Variants in OR2H1 observed in about 807,000 individuals in gnomAD.
OR2H1 encodes the protein olfactory receptor family 2 subfamily H member 1.
For missense variants in OR2H1, 380 were observed against 367.3 expected, an observed-to-expected ratio of 1.03 and a Z score of -0.28; for synonymous variants, 155 against 155.2, an observed-to-expected ratio of 1.00 and a Z score of 0.01.
chr6:29,463,003 C>G lies in OR2H1; in HGVS notation c.*283C>G. On this transcript the variant is annotated 3_prime_UTR_variant, in exon 4 of 4. Coordinates refer to ENST00000377133, the MANE Select transcript of OR2H1 (RefSeq NM_030883.5). ...CATTCTGTTCTTTTTACTGTCATCACTTCTATAGATTTCCTAACTCCACCA... is the reference window on the plus strand; with the variant it reads ...CATTCTGTTCTTTTTACTGTCATCAGTTCTATAGATTTCCTAACTCCACCA... 2.2e-6 allele frequency: 1 copy of G among 460,432 alleles called. No homozygotes were observed. The highest frequency in any genetic ancestry group is 4.0e-6 in the Non-Finnish European group (1 of 252,454). 28.5% of individuals were successfully genotyped at this position (460,432 alleles called of 1,614,324 possible). A position where few individuals can be genotyped will look rare whatever the true frequency, so the allele number is the denominator to read the frequency against.
intron 3 of OR2H1, chr6:29,461,129 G>A (rs1787195099): frequency 6.6e-6 from 1 of 152,054 alleles, no homozygotes; most frequent in African/African-American, 2.4e-5. Flanking sequence ...TTTTTTAATG[G>A]AGAAGGAACA....
chr6:29,460,958 T>A (rs1010228945), intron 3 of OR2H1: 2 of 152,154 alleles, frequency 1.3e-5, no homozygotes, highest in African/African-American at 4.8e-5. Flanking sequence ...AGGCAAAAAA[T>A]TTTAAAAATT....
At position 29,462,075 on chromosome 6, in the gene OR2H1, C is replaced by T; in HGVS notation, c.306C>T (p.Phe102=). The change falls in exon 4 of 4, where the codon TTC becomes TTT. Residue 102 remains phenylalanine (F), a synonymous_variant. Transcript: ENST00000377133. ...GATGCTCTGTCCAGCTCTTCATCTT[C>T]CTGTCCCTGGGGACCACTGAGTGCA... ...FLGCSVQLFI[F]LSLGTTECIL... is the part of the protein sequence containing the mutation. 6.2e-7 allele frequency: 1 copy of T among 1,613,654 alleles called. No homozygotes were observed. Among genetic ancestry groups the T allele is most frequent in the South Asian group, 1.1e-5 (1 of 91,072 alleles).
rs760090748 is a variant in OR2H1 at position 29,462,051 on chromosome 6, A to C, written c.282A>C (p.Gly94=). 1.0e-4 allele frequency: 169 copies of C among 1,613,358 alleles called. No homozygotes were observed. The highest frequency in any genetic ancestry group is 1.3e-4 in the Non-Finnish European group (159 of 1,180,024). ...WGPKKTISFL[G]CSVQLFIFLS... is the part of the protein sequence containing the mutation. Reference sequence around the variant, plus strand: ...CAAAGAAGACCATCAGCTTCCTGGGATGCTCTGTCCAGCTCTTCATCTTCC... The same window carrying C: ...CAAAGAAGACCATCAGCTTCCTGGGCTGCTCTGTCCAGCTCTTCATCTTCC... The change falls in exon 4 of 4, where the codon GGA becomes GGC. Residue 94 remains glycine (G), a synonymous_variant. Transcript: ENST00000377133.
At chr6:29,457,790 T>G (rs1010742342) in intron 1 of OR2H1, among the ~76,000 whole-genome samples, 1 of 152,158 alleles carries the variant, frequency 6.6e-6, no homozygotes, top group Non-Finnish European at 1.5e-5. Flanking sequence ...ACTCAGAAGG[T>G]GTGGATCAGG....
At position 29,461,483 on chromosome 6, in the gene OR2H1, GC is replaced by G; in HGVS notation, c.-275-9del. 1 of 431,572 alleles carries G rather than the reference GC, an allele frequency of 2.3e-6. No homozygotes were observed. The highest frequency in any genetic ancestry group is 2.0e-5 in the African/African-American group (1 of 50,522). The allele number at this position is 431,572 out of a possible 1,614,324, so 26.7% of individuals were successfully genotyped here. On this transcript the variant is annotated splice_polypyrimidine_tract_variant and intron_variant, in intron 3 of 3. Transcript: ENST00000377133. ...TCCATGTTTTACATCAGCTTTCTTTGCCCTCAACCAGGAAGTCAGAGGCACC... is the reference window on the plus strand; with the variant it reads ...TCCATGTTTTACATCAGCTTTCTTTGCCTCAACCAGGAAGTCAGAGGCACC...
chr6:29,462,924 C>T lies in OR2H1; in HGVS notation c.*204C>T, dbSNP rs2151432829. 1.7e-6 allele frequency: 1 copy of T among 580,594 alleles called. No individual in the cohort carries two copies. Among genetic ancestry groups the T allele is most frequent in the Admixed American group, 3.1e-5 (1 of 32,174 alleles). 36.0% of individuals were successfully genotyped at this position (580,594 alleles called of 1,614,324 possible). ...GAGATAGGTAGCTCCATAAGGCACA[C>T]AAATTCAAATATTATCATTCCTATC... On this transcript the variant is annotated 3_prime_UTR_variant, in exon 4 of 4. Coordinates refer to ENST00000377133, the MANE Select transcript of OR2H1 (RefSeq NM_030883.5).
At position 29,462,255 on chromosome 6, in the gene OR2H1, C is replaced by G; in HGVS notation, c.486C>G (p.Leu162=). 6.2e-7 allele frequency: 1 copy of G among 1,613,434 alleles called. No homozygotes were observed. Among genetic ancestry groups the G allele is most frequent in the Non-Finnish European group, 8.5e-7 (1 of 1,180,040 alleles). ...CGATAGTCCAGACACCATCCACCCTCCACTTGCCCTTCTGTCCCCACCAGC... is the reference window on the plus strand; with the variant it reads ...CGATAGTCCAGACACCATCCACCCTGCACTTGCCCTTCTGTCCCCACCAGC... ...VQSIVQTPST[L]HLPFCPHQQI... is the part of the protein sequence containing the mutation. Residue 162 remains leucine (L), a synonymous_variant, in exon 4 of 4, where the codon CTC becomes CTG. Coordinates refer to ENST00000377133, the MANE Select transcript of OR2H1 (RefSeq NM_030883.5).
Position 29,462,037 on chromosome 6 carries a change from A to G in OR2H1, c.268A>G (p.Ile90Val). 6.2e-7 allele frequency: 1 copy of G among 1,613,414 alleles called. No homozygotes were observed. The highest frequency in any genetic ancestry group is 8.5e-7 in the Non-Finnish European group (1 of 1,180,020). ...CAACCTCTGGGGCCCAAAGAAGACCATCAGCTTCCTGGGATGCTCTGTCCA... is the reference window on the plus strand; with the variant it reads ...CAACCTCTGGGGCCCAAAGAAGACCGTCAGCTTCCTGGGATGCTCTGTCCA... ...LVNLWGPKKT[I>V]SFLGCSVQLF... Residue 90 changes from isoleucine (I) to valine (V), a missense_variant, in exon 4 of 4, where the codon ATC becomes GTC. Ile to Val is a conservative substitution (Grantham distance 29). Transcript: ENST00000377133.
At chr6:29,460,614 G>T (rs984913971) in intron 3 of OR2H1, among the ~76,000 whole-genome samples, 160 bp downstream of exon 3, 1 of 151,558 alleles carries the variant, frequency 6.6e-6, no homozygotes, top group Non-Finnish European at 1.5e-5. Flanking sequence ...AAGAAGTGAA[G>T]AGGCATTATA....
rs1786758726 is a variant in OR2H1, at chr6:29,458,464, G to T, written c.-432G>T. The T allele has an allele frequency of 6.6e-6, 1 of 152,148 alleles. No homozygotes were observed. Among genetic ancestry groups the T allele is most frequent in the Admixed American group, 6.5e-5 (1 of 15,274 alleles). The allele number at this position is 152,148 out of a possible 1,614,324, so 9.4% of individuals were successfully genotyped here. On this transcript the variant is annotated 5_prime_UTR_variant, in exon 2 of 4. Coordinates refer to ENST00000377133, the MANE Select transcript of OR2H1 (RefSeq NM_030883.5). ...AACATTCCTCTTTAGTTTGCTTTTA[G>T]TTCTCATTGTGAGATCACAAGTGGA...
Position 29,462,760 on chromosome 6 carries a change from G to A in OR2H1, c.*40G>A. The A allele has an allele frequency of 2.0e-6, 3 of 1,504,758 alleles. No homozygotes were observed. Among genetic ancestry groups the A allele is most frequent in the Non-Finnish European group, 2.7e-6 (3 of 1,099,418 alleles). The allele number at this position is 1,504,758 out of a possible 1,614,324, so 93.2% of individuals were successfully genotyped here. ...TAAGAAGAGTTTCTTCAAGATTTAT[G>A]AACATGTTAAGTTTTCCAGACTACT... On this transcript the variant is annotated 3_prime_UTR_variant, in exon 4 of 4. Coordinates refer to ENST00000377133, the MANE Select transcript of OR2H1 (RefSeq NM_030883.5).
In OR2H1 at chr6:29,462,433, G is replaced by T; in HGVS notation, c.664G>T (p.Ala222Ser). 6.2e-7 allele frequency: 1 copy of T among 1,613,102 alleles called. No homozygotes were observed. The highest frequency in any genetic ancestry group is 8.5e-7 in the Non-Finnish European group (1 of 1,180,028). ...ILASYGATAQ[A>S]VLRINSATAW... is the part of the protein sequence containing the mutation. ...TGCCTCTTATGGAGCCACTGCCCAG[G>T]CAGTGCTGAGGATTAACTCTGCCAC... Residue 222 changes from alanine (A) to serine (S), a missense_variant, in exon 4 of 4, where the codon GCA (alanine) becomes TCA (serine). Coordinates refer to ENST00000377133, the MANE Select transcript of OR2H1 (RefSeq NM_030883.5).
At position 29,461,784 on chromosome 6, in the gene OR2H1, C is replaced by A. The variant is rs1330587830; in HGVS notation, c.15C>A (p.Ser5Arg). The A allele has an allele frequency of 3.7e-6, 6 of 1,612,170 alleles. No individual in the cohort carries two copies. The highest frequency in any genetic ancestry group is 5.1e-6 in the Non-Finnish European group (6 of 1,179,574). The part of the protein sequence containing the change: MVNQ[S>R]SPMGFLLLGF... ...AAGAACAGGCCATGGTTAACCAAAG[C>A]TCCCCCATGGGCTTCCTCCTTCTGG... Residue 5 changes from serine to arginine, a missense_variant, in exon 4 of 4, where the codon AGC becomes AGA. Transcript: ENST00000377133.
In OR2H1 at chr6:29,462,267, C is replaced by T; in HGVS notation, c.498C>T (p.Phe166=). ...CACCATCCACCCTCCACTTGCCCTT[C>T]TGTCCCCACCAGCAGATAGATGACT... ...VQTPSTLHLP[F]CPHQQIDDFL... The change falls in exon 4 of 4, where the codon TTC becomes TTT. Residue 166 remains phenylalanine (F), a synonymous_variant. Transcript: ENST00000377133. 6.2e-7 allele frequency: 1 copy of T among 1,613,396 alleles called. No homozygotes were observed. Among genetic ancestry groups the T allele is most frequent in the Non-Finnish European group, 8.5e-7 (1 of 1,180,042 alleles).
Position 29,462,314 on chromosome 6 carries a change from T to G in OR2H1, c.545T>G (p.Leu182Arg). The part of the protein sequence containing the change: ...IDDFLCEVPS[L>R]IRLSCGDTSY... ...GACTTTTTATGTGAGGTCCCATCTCTGATTCGACTCTCCTGTGGAGATACC... is the reference window on the plus strand; with the variant it reads ...GACTTTTTATGTGAGGTCCCATCTCGGATTCGACTCTCCTGTGGAGATACC... The change falls in exon 4 of 4, where the codon CTG becomes CGG. Residue 182 changes from leucine to arginine, a missense_variant. Physicochemically the swap from Leu to Arg is moderately radical, Grantham distance 102 (BLOSUM62 -2). Transcript: ENST00000377133. The G allele has an allele frequency of 6.2e-7, 1 of 1,613,202 alleles. No individual in the cohort carries two copies. The highest frequency in any genetic ancestry group is 8.5e-7 in the Non-Finnish European group (1 of 1,180,046).
In OR2H1 at chr6:29,462,202, G is replaced by A; in HGVS notation, c.433G>A (p.Val145Met). 1 of 1,613,558 alleles carries A rather than the reference G, an allele frequency of 6.2e-7. No homozygotes were observed. The highest frequency in any genetic ancestry group is 8.5e-7 in the Non-Finnish European group (1 of 1,180,024). The stretch of plus-strand genomic sequence containing the variant: ...CCGCCTGTGCTGGCAGCTGGCATCT[G>A]TGGCCTGGGTTATGAGTCTGGTTCA... ...HPRLCWQLAS[V>M]AWVMSLVQSI... The change falls in exon 4 of 4, where the codon GTG becomes ATG. Residue 145 changes from valine to methionine, a missense_variant. Transcript: ENST00000377133.
chr6:29,462,964 A>C lies in OR2H1; in HGVS notation c.*244A>C. 1 of 541,876 alleles carries C rather than the reference A, an allele frequency of 1.8e-6. No homozygotes were observed. The highest frequency in any genetic ancestry group is 3.1e-5 in the South Asian group (1 of 32,454). 33.6% of individuals were successfully genotyped at this position (541,876 alleles called of 1,614,324 possible). A position where few individuals can be genotyped will look rare whatever the true frequency, so the allele number is the denominator to read the frequency against. On this transcript the variant is annotated 3_prime_UTR_variant, in exon 4 of 4. Transcript: ENST00000377133. ...TCATTCCTATCACTGTCCATTCTTA[A>C]TATTTCTATCCTCCATTCTGTTCTT...
chr6:29,461,634 G>A lies in OR2H1; in HGVS notation c.-136G>A. On this transcript the variant is annotated 5_prime_UTR_variant, in exon 4 of 4. Coordinates refer to ENST00000377133, the MANE Select transcript of OR2H1 (RefSeq NM_030883.5). The stretch of plus-strand genomic sequence containing the variant: ...GATGACGATAAGCCTGGGAAAGGGA[G>A]GCTGGGTGAGCAGAGACAGAAAAGA... 1 of 673,324 alleles carries A rather than the reference G, an allele frequency of 1.5e-6. No individual in the cohort carries two copies. The highest frequency in any genetic ancestry group is 2.8e-4 in the Middle Eastern group (1 of 3,510). The allele number at this position is 673,324 out of a possible 1,614,324, so 41.7% of individuals were successfully genotyped here. A position where few individuals can be genotyped will look rare whatever the true frequency, so the allele number is the denominator to read the frequency against.
Sources: gnomAD v4.1 joint callset for allele counts (sites outside exome capture counted in the v4.1 genomes callset) on GRCh38, gnomAD v4.1.1 for gene constraint, MANE v1.5 for transcripts, NCBI Gene and HGNC (gene_info 2026-07-23, HGNC 2026-07-21) for gene names.